Variants in MFSD1 observed in about 807,000 individuals in gnomAD.
MFSD1 encodes the protein lysosomal dipeptide transporter MFSD1.
Under a neutral mutation model 67.1 loss-of-function variants are expected in MFSD1, and 59 were observed. The observed-to-expected ratio is 0.88, with a 90% CI of 0.71 to 1.09. MFSD1 has a LOEUF of 1.09. Ranked by LOEUF, MFSD1 falls within the 50% of genes least tolerant of loss-of-function variation. The pLI is 0.00. For synonymous variants in MFSD1, 213 were observed against 200.3 expected (o/e 1.06, Z -0.54); for missense variants, 552 against 566.1 (o/e 0.97, Z 0.25).
chr3:158,818,477 C>G (rs1202651248), intron 7 of MFSD1, among the ~76,000 whole-genome samples: 1 of 151,962 alleles, frequency 6.6e-6, no homozygotes, highest in Non-Finnish European at 1.5e-5. Context: ...AACTTTGTAC[C>G]CCTTGATTAA....
intron 15 of MFSD1, 46 bp from the exon 16 acceptor site, chr3:158,828,933 T>C (rs768757336): frequency 1.9e-6 from 3 of 1,587,902 alleles, no homozygotes; most frequent in Middle Eastern, 3.3e-4. Flanking sequence ...GTGAGCTTCA[T>C]GTTTTTTTCT....
chr3:158,810,005 C>T lies in MFSD1; in HGVS notation c.549+718C>T, dbSNP rs77181980. Among the ~76,000 whole-genome samples, 720 of 152,264 alleles carry T rather than the reference C, an allele frequency of 4.7e-3. 9 individuals are homozygous for T. Among genetic ancestry groups the T allele is most frequent in the African/African-American group, 0.017 (694 of 41,554 alleles). Reference sequence around the variant, plus strand: ...AGGTTTGGTCTTAGAGGCTACCTAGCGGGAACAACATTATGGGTTTCGTTT... The same window carrying T: ...AGGTTTGGTCTTAGAGGCTACCTAGTGGGAACAACATTATGGGTTTCGTTT... On this transcript the variant is annotated intron_variant, in intron 6 of 15. Transcript: ENST00000415822.
chr3:158,815,370 T>TTC (rs931750523), intron 7 of MFSD1, among the ~76,000 whole-genome samples: 3 of 151,026 alleles, frequency 2.0e-5, no homozygotes, highest in African/African-American at 7.3e-5. Flanking sequence ...TTTTTTTTTT[T>TTC]TTCAAGTTTA....
At chr3:158,812,608 C>T (rs896643086) in intron 6 of MFSD1, among the ~76,000 whole-genome samples, 4 of 152,170 alleles carry the variant, frequency 2.6e-5, no homozygotes, top group Admixed American at 6.5e-5. Flanking sequence ...GCCCAATCAT[C>T]TCTGTTCTGG....
At chr3:158,803,104 C>G (rs1729541600) in intron 1 of MFSD1, among the ~76,000 whole-genome samples, 1 of 152,098 alleles carries the variant, frequency 6.6e-6, no homozygotes, top group South Asian at 2.1e-4. Flanking sequence ...GTTGGTTTCT[C>G]TTATGAAATC....
chr3:158,822,553 T>C (rs1445072739), intron 11 of MFSD1: 1 of 153,160 alleles, frequency 6.5e-6, no homozygotes, highest in Non-Finnish European at 1.5e-5. Flanking sequence ...TAAAAAGTGA[T>C]AATGAATTCA....
chr3:158,807,236 G>A (rs1210888765), intron 4 of MFSD1, among the ~76,000 whole-genome samples, 154 bp downstream of exon 4: 1 of 152,122 alleles, frequency 6.6e-6, no homozygotes, highest in Non-Finnish European at 1.5e-5. Flanking sequence ...TCTATTTTAA[G>A]CCTTGAAATA....
At chr3:158,827,759 G>C (rs1393776642) in intron 15 of MFSD1, among the ~76,000 whole-genome samples, 3 of 152,034 alleles carry the variant, frequency 2.0e-5, no homozygotes, top group Non-Finnish European at 4.4e-5. Context: ...TGAGTTTTGA[G>C]AGCTAGCTAT....
intron 15 of MFSD1, 120 bp downstream of exon 15, chr3:158,827,457 C>T (rs1731040367): frequency 1.8e-6 from 1 of 553,612 alleles, no homozygotes. Context: ...GCTTGTCGTC[C>T]AGGCTGGAGT....
At chr3:158,808,329 C>T (rs1291610998) in intron 5 of MFSD1, among the ~76,000 whole-genome samples, 1 of 152,010 alleles carries the variant, frequency 6.6e-6, no homozygotes, top group Non-Finnish European at 1.5e-5. Flanking sequence ...CTGAGGTGGC[C>T]TCGGTGTAAG....
intron 12 of MFSD1, 42 bp from the exon 13 acceptor site, chr3:158,824,082 C>T: frequency 2.1e-6 from 3 of 1,416,316 alleles, no homozygotes; most frequent in Non-Finnish European, 3.0e-6. Flanking sequence ...TGTGTGAAGA[C>T]TTTTGAAAAT....
chr3:158,805,687 A>G (rs1729688747), intron 3 of MFSD1, among the ~76,000 whole-genome samples: 1 of 152,188 alleles, frequency 6.6e-6, no homozygotes, highest in African/African-American at 2.4e-5. Flanking sequence ...CTGATGGTAT[A>G]AGGTAACTCA....
chr3:158,829,010 T>C lies in MFSD1; in HGVS notation c.*28T>C, dbSNP rs775853102. ...AGTTAAAATGAATGTGTCATGAGAA[T>C]GGGCTTAACACATCGTTGGTTTGAA... On this transcript the variant is annotated 3_prime_UTR_variant, in exon 16 of 16. Transcript: ENST00000415822. 1.7e-5 allele frequency: 27 copies of C among 1,598,676 alleles called. No individual in the cohort carries two copies. In the Admixed American group the frequency reaches 4.7e-4, roughly 28 times the overall value.
In MFSD1 at chr3:158,824,251, T is replaced by A; in HGVS notation, c.1288+15T>A. 1 of 1,543,504 alleles carries A rather than the reference T, an allele frequency of 6.5e-7. No individual in the cohort carries two copies. Among genetic ancestry groups the A allele is most frequent in the Non-Finnish European group, 8.9e-7 (1 of 1,122,434 alleles). ...CTGTGTTTCTTGTGAGTATTCCGTA[T>A]GACAACATTTTGTTTCTTTTACTAC... On this transcript the variant is annotated intron_variant, in intron 13 of 15. Transcript: ENST00000415822.
chr3:158,802,568 G>GT, intron 1 of MFSD1: 2 of 696,924 alleles, frequency 2.9e-6, no homozygotes, highest in Non-Finnish European at 5.2e-6. Flanking sequence ...TTGCTCTTCA[G>GT]TAAGTCCCAG....
chr3:158,807,195 C>A, intron 4 of MFSD1, 113 bp downstream of exon 4: 1 of 1,007,410 alleles, frequency 9.9e-7, no homozygotes, highest in Non-Finnish European at 1.5e-6. Context: ...TTAAGCAGAA[C>A]CCATAAATGC....
At chr3:158,824,334 C>G (rs1730843749) in intron 13 of MFSD1, 98 bp downstream of exon 13, 1 of 825,926 alleles carries the variant, frequency 1.2e-6, no homozygotes, top group Non-Finnish European at 1.9e-6. Flanking sequence ...CTAATTCTCA[C>G]CTGTGAATTA....
At chr3:158,805,915 A>G (rs1020321738) in intron 3 of MFSD1, among the ~76,000 whole-genome samples, 4 of 152,184 alleles carry the variant, frequency 2.6e-5, no homozygotes, top group Admixed American at 2.6e-4. Context: ...CATAGGTAGT[A>G]TGTGCTTCCT....
At chr3:158,821,736 A>C (rs1463906932) in intron 10 of MFSD1, 83 bp downstream of exon 10, 2 of 1,222,456 alleles carry the variant, frequency 1.6e-6, no homozygotes, top group Non-Finnish European at 2.4e-6. Flanking sequence ...AGCAAAAAAG[A>C]TGTATGTGAC....
Sources: gnomAD v4.1 joint callset for allele counts (sites outside exome capture counted in the v4.1 genomes callset) on GRCh38, gnomAD v4.1.1 for gene constraint, MANE v1.5 for transcripts, NCBI Gene and HGNC (gene_info 2026-07-23, HGNC 2026-07-21) for gene names.